Variants in MYLK observed in about 807,000 individuals in gnomAD.
MYLK encodes myosin light chain kinase.
A neutral mutation model predicts 203.4 loss-of-function variants in MYLK; 106 were observed. The ratio of observed to expected loss-of-function variants is 0.52; its 90% CI spans 0.45 to 0.61. The LOEUF (loss-of-function observed/expected upper bound fraction) is 0.61. Among genes scored for constraint, MYLK ranks in the 20% least tolerant of loss-of-function variants. The pLI is 0.00. For missense variants in MYLK, 2,072 were observed against 2,442.3 expected (o/e 0.85, Z 3.20); for synonymous variants, 867 against 959.5 (o/e 0.90, Z 1.78).
chr3:123,868,461 A>G (rs980207852), intron 2 of MYLK, among the ~76,000 whole-genome samples: 4 of 152,190 alleles, frequency 2.6e-5, no homozygotes, highest in African/African-American at 9.7e-5. Flanking sequence ...AGCACTTACT[A>G]TGTGCCAGGC....
In MYLK at chr3:123,708,757, G is replaced by C. The variant is rs768309112; in HGVS notation, c.2081C>G (p.Thr694Ser). 5 of 1,614,076 alleles carry C rather than the reference G, an allele frequency of 3.1e-6. No individual in the cohort carries two copies. Among genetic ancestry groups the C allele is most frequent in the Non-Finnish European group, 3.4e-6 (4 of 1,180,044 alleles). Residue 694 changes from threonine to serine, a missense_variant, in exon 15 of 34, where the codon ACC becomes AGC. Physicochemically the swap from Thr to Ser is moderately conservative, Grantham distance 58. Coordinates refer to ENST00000360304, the MANE Select transcript of MYLK (RefSeq NM_053025.4). ...EVFPEDTGTYTCEAWNSAGEV... is the reference protein window; with the variant it reads ...EVFPEDTGTYSCEAWNSAGEV... ...TCCAGCGCTGTTCCAGGCCTCGCAG[G>C]TGTACGTGCCCGTGTCCTCCGGGAA...
intron 2 of MYLK, among the ~76,000 whole-genome samples, chr3:123,860,533 C>T (rs552611651): frequency 1.3e-5 from 2 of 152,248 alleles, no homozygotes; most frequent in East Asian, 3.9e-4. Context: ...CAATAAAAGG[C>T]AAAATTCTTC....
chr3:123,742,592 A>C (rs1364530077), intron 5 of MYLK, among the ~76,000 whole-genome samples: 1 of 152,190 alleles, frequency 6.6e-6, no homozygotes, highest in Non-Finnish European at 1.5e-5. Context: ...AGGGCCTTCT[A>C]AACACGCTCC....
At chr3:123,698,406 T>C (rs1204312940) in intron 18 of MYLK, among the ~76,000 whole-genome samples, 1 of 152,200 alleles carries the variant, frequency 6.6e-6, no homozygotes, top group Non-Finnish European at 1.5e-5. Flanking sequence ...CCACCCTGCA[T>C]CCTGCCTGGA....
intron 2 of MYLK, among the ~76,000 whole-genome samples, chr3:123,874,198 T>C (rs2033006560): frequency 6.6e-6 from 1 of 152,152 alleles, no homozygotes; most frequent in Non-Finnish European, 1.5e-5. Flanking sequence ...AAAACTATTT[T>C]GAAAAGAAAG....
intron 3 of MYLK, among the ~76,000 whole-genome samples, chr3:123,829,020 A>G (rs61150881): frequency 0.1 from 15,665 of 152,170 alleles, 1,888 homozygotes; most frequent in East Asian, 0.45. Context: ...TATAGCAACT[A>G]TGAAAACCAA....
chr3:123,652,028 C>T (rs1306746794), intron 24 of MYLK, among the ~76,000 whole-genome samples: 2 of 152,332 alleles, frequency 1.3e-5, no homozygotes, highest in Admixed American at 6.5e-5. Flanking sequence ...GGGAGGAATG[C>T]TTGCGTCTAG....
chr3:123,695,985 T>C (rs1421271518), intron 18 of MYLK, among the ~76,000 whole-genome samples: 1 of 152,088 alleles, frequency 6.6e-6, no homozygotes, highest in African/African-American at 2.4e-5. Context: ...CTGAATCCCA[T>C]CAGCCCTGCA....
At chr3:123,718,928 T>A (rs1485520212) in intron 13 of MYLK, among the ~76,000 whole-genome samples, 3 of 152,030 alleles carry the variant, frequency 2.0e-5, no homozygotes, top group Non-Finnish European at 2.9e-5. Flanking sequence ...TAAAGACTTG[T>A]TGATAAGTAA....
chr3:123,844,068 T>A (rs2066654133), intron 2 of MYLK, among the ~76,000 whole-genome samples: 1 of 152,190 alleles, frequency 6.6e-6, no homozygotes, highest in East Asian at 1.9e-4. Context: ...CACATTCACA[T>A]AATGATTGAG....
At chr3:123,840,936 G>T (rs556719549) in intron 2 of MYLK, among the ~76,000 whole-genome samples, 7 of 151,996 alleles carry the variant, frequency 4.6e-5, no homozygotes, top group Non-Finnish European at 7.4e-5. Flanking sequence ...GTTTCTTGGG[G>T]ATCCAGAAGT....
intron 3 of MYLK, among the ~76,000 whole-genome samples, chr3:123,818,567 G>A (rs1280564374): frequency 2.0e-5 from 3 of 152,110 alleles, no homozygotes; most frequent in African/African-American, 4.8e-5. Flanking sequence ...GTGCATGCCT[G>A]TGGTCTCAGC....
chr3:123,638,534 T>C (rs1461456405), intron 28 of MYLK, among the ~76,000 whole-genome samples: 2 of 152,160 alleles, frequency 1.3e-5, no homozygotes, highest in African/African-American at 4.8e-5. Flanking sequence ...AATAATAATC[T>C]CTAGCATTCA....
Position 123,640,255 on chromosome 3 carries a change from T to G in MYLK, c.4837+32A>C. On this transcript the variant is annotated intron_variant, in intron 28 of 33. Coordinates refer to ENST00000360304, the MANE Select transcript of MYLK (RefSeq NM_053025.4). This position sits in a 1 kb window ranked among gnomAD's most constrained non-coding sequence, Gnocchi z 4.3. ...AGGAAACGGCCAGTGCAATACACAC[T>G]GGTGTCCATGGGAGAGGCAGATGAG... 2 of 1,598,560 alleles carry G rather than the reference T, an allele frequency of 1.3e-6. No individual in the cohort carries two copies. The highest frequency in any genetic ancestry group is 1.7e-6 in the Non-Finnish European group (2 of 1,166,202).
chr3:123,749,110 C>CATAT (rs2063115083), intron 5 of MYLK, among the ~76,000 whole-genome samples: 1 of 150,190 alleles, frequency 6.7e-6, no homozygotes, highest in Non-Finnish European at 1.5e-5. Flanking sequence ...TACATACATA[C>CATAT]ATACATACAA....
In MYLK at chr3:123,783,493, T is replaced by C. The variant is rs564746527; in HGVS notation, c.165+10184A>G. On this transcript the variant is annotated intron_variant, in intron 4 of 33. Transcript: ENST00000360304. ...CATGCCCGGACTTTGTCTACACTTC[T>C]TTCACTGTAAACTGTGTATTCATCT... Among the ~76,000 whole-genome samples, 3 of 152,338 alleles carry C rather than the reference T, an allele frequency of 2.0e-5. No homozygotes were observed. In the South Asian group the frequency reaches 6.2e-4, roughly 32 times the overall value.
intron 3 of MYLK, among the ~76,000 whole-genome samples, chr3:123,801,648 A>G (rs540510016): frequency 6.6e-6 from 1 of 152,298 alleles, no homozygotes; most frequent in African/African-American, 2.4e-5. Flanking sequence ...CCTCATGTTT[A>G]GCTTCCACTT....
At position 123,823,431 on chromosome 3, in the gene MYLK, C is replaced by T. The variant is rs115265693; in HGVS notation, c.-4+8117G>A. 5.2e-3 allele frequency among the ~76,000 whole-genome samples: 794 copies of T among 152,296 alleles called. 7 individuals carry two copies. The highest frequency in any genetic ancestry group is 0.018 in the African/African-American group (761 of 41,560). The stretch of plus-strand genomic sequence containing the variant: ...CTTCTCACAGCATTTCCCATCCAGG[C>T]AAAAGGCTCCACTGTCCACCCAAGT... On this transcript the variant is annotated intron_variant, in intron 3 of 33. Coordinates refer to ENST00000360304, the MANE Select transcript of MYLK (RefSeq NM_053025.4).
chr3:123,750,902 AG>A (rs2063172247), intron 5 of MYLK, among the ~76,000 whole-genome samples: 1 of 152,222 alleles, frequency 6.6e-6, no homozygotes, highest in African/African-American at 2.4e-5. Flanking sequence ...ACTCAGTTAA[AG>A]AATTTAAGGA....
Sources: allele counts gnomAD v4.1 joint callset (sites outside exome capture counted in the v4.1 genomes callset), GRCh38; gene constraint gnomAD v4.1.1; non-coding constraint Gnocchi (gnomAD v3.1); transcripts MANE v1.5; gene names NCBI Gene and HGNC (gene_info 2026-07-23, HGNC 2026-07-21).